Variants in TCF7L2 observed in about 807,000 individuals in gnomAD.
TCF7L2 encodes transcription factor 7-like 2.
Under a neutral mutation model 77.9 loss-of-function variants are expected in TCF7L2, and 23 were observed. The ratio of observed to expected loss-of-function variants is 0.30; its 90% CI spans 0.21 to 0.42. TCF7L2 has a LOEUF of 0.42. TCF7L2 is among the 10% of genes least tolerant of loss of function. The pLI, the probability that TCF7L2 is intolerant of heterozygous loss-of-function variation, is 1.00. For synonymous variants in TCF7L2, 413 were observed against 340.2 expected (o/e 1.21, Z -2.36); for missense variants, 654 against 793.1 (o/e 0.82, Z 2.11).
intron 13 of TCF7L2, among the ~76,000 whole-genome samples, chr10:113,163,519 C>T (rs1309947933): frequency 1.3e-5 from 2 of 152,076 alleles, no homozygotes; most frequent in Non-Finnish European, 2.9e-5. Flanking sequence ...CTTTCCTTCT[C>T]CCATTTTTAA....
chr10:113,123,428 G>A (rs1170170395), intron 5 of TCF7L2, among the ~76,000 whole-genome samples: 1 of 152,172 alleles, frequency 6.6e-6, no homozygotes, highest in Admixed American at 6.5e-5. Context: ...ATCTTTAGTC[G>A]GATACACATA....
intron 4 of TCF7L2, among the ~76,000 whole-genome samples, chr10:112,980,099 G>C (rs1041928209): frequency 2.3e-4 from 35 of 152,194 alleles, no homozygotes; most frequent in Admixed American, 2.3e-3. Flanking sequence ...ACTCTGTCTG[G>C]TTTGGCTCAA....
chr10:113,126,642 T>C (rs2065659897), intron 5 of TCF7L2: 2 of 985,212 alleles, frequency 2.0e-6, no homozygotes, highest in Non-Finnish European at 2.4e-6. Context: ...TATTGTGCTC[T>C]TCCCTATCAA....
chr10:113,068,206 G>A (rs1340238251), intron 5 of TCF7L2, among the ~76,000 whole-genome samples: 4 of 152,230 alleles, frequency 2.6e-5, no homozygotes, highest in African/African-American at 4.8e-5. Context: ...GGCTAATGAA[G>A]TATATACCAC....
chr10:113,084,108 T>C (rs920436388), intron 5 of TCF7L2, among the ~76,000 whole-genome samples: 1 of 152,226 alleles, frequency 6.6e-6, no homozygotes, highest in Non-Finnish European at 1.5e-5. Flanking sequence ...TCTGAATCCA[T>C]ATGCATTTGT....
chr10:113,093,976 A>G (rs981130475), intron 5 of TCF7L2, among the ~76,000 whole-genome samples: 8 of 152,106 alleles, frequency 5.3e-5, no homozygotes, highest in Admixed American at 5.2e-4. Flanking sequence ...ACTTTTCCTG[A>G]TCAGTGGCCG....
intron 13 of TCF7L2, among the ~76,000 whole-genome samples, chr10:113,164,757 T>TC (rs1340745402): frequency 6.6e-6 from 1 of 152,122 alleles, no homozygotes; most frequent in African/African-American, 2.4e-5. Context: ...GTGGTTTCTT[T>TC]TTTTTGTTTC....
chr10:112,983,787 T>C (rs1480210761), intron 4 of TCF7L2, among the ~76,000 whole-genome samples: 1 of 152,222 alleles, frequency 6.6e-6, no homozygotes, highest in African/African-American at 2.4e-5. Flanking sequence ...GCACTGGTGT[T>C]TCACTGCAGG....
At chr10:113,078,875 C>G (rs1343074023) in intron 5 of TCF7L2, among the ~76,000 whole-genome samples, 1 of 151,918 alleles carries the variant, frequency 6.6e-6, no homozygotes, top group Non-Finnish European at 1.5e-5. Context: ...CTCTGTCACC[C>G]AGGCTGGAGT....
chr10:113,155,395 A>G (rs1036082939), intron 11 of TCF7L2, among the ~76,000 whole-genome samples: 4 of 152,252 alleles, frequency 2.6e-5, no homozygotes, highest in Middle Eastern at 3.4e-3. Flanking sequence ...TGTTACATTT[A>G]AAGGGGTAGT....
chr10:113,059,731 C>T (rs910734900), intron 5 of TCF7L2, among the ~76,000 whole-genome samples: 1 of 152,086 alleles, frequency 6.6e-6, no homozygotes, highest in African/African-American at 2.4e-5. Flanking sequence ...GGAATATTAA[C>T]TGTTTACTGC....
At chr10:112,974,358 G>A (rs538569593) in intron 4 of TCF7L2, among the ~76,000 whole-genome samples, 8 of 152,294 alleles carry the variant, frequency 5.3e-5, no homozygotes, top group East Asian at 1.9e-4. Context: ...AACAACTGTC[G>A]TATCAGCCAT....
chr10:113,062,453 A>G (rs1257184443), intron 5 of TCF7L2, among the ~76,000 whole-genome samples: 1 of 152,178 alleles, frequency 6.6e-6, no homozygotes, highest in African/African-American at 2.4e-5. Context: ...CACAGTAGGA[A>G]CAGAAGTTAA....
chr10:113,150,778 T>C (rs1282334211), intron 8 of TCF7L2, among the ~76,000 whole-genome samples: 1 of 152,232 alleles, frequency 6.6e-6, no homozygotes, highest in Non-Finnish European at 1.5e-5. Flanking sequence ...AAAATCATAA[T>C]GTCTTATGTC....
intron 5 of TCF7L2, among the ~76,000 whole-genome samples, chr10:113,127,243 G>GTT (rs11313601): frequency 1.4e-5 from 2 of 139,978 alleles, no homozygotes; most frequent in Non-Finnish European, 1.5e-5. Context: ...GGGGTTTCGG[G>GTT]TTTTTTTTTT....
intron 4 of TCF7L2, among the ~76,000 whole-genome samples, chr10:112,975,378 G>T (rs2039202845): frequency 6.6e-6 from 1 of 152,208 alleles, no homozygotes; most frequent in African/African-American, 2.4e-5. Context: ...ATGACTTAAT[G>T]CAGGACTTCT....
intron 4 of TCF7L2, among the ~76,000 whole-genome samples, chr10:113,016,816 C>G (rs964387953): frequency 6.6e-6 from 1 of 152,068 alleles, no homozygotes; most frequent in African/African-American, 2.4e-5. Context: ...TAATCAGAAG[C>G]CACTGTCCCC....
At chr10:113,032,436 T>C (rs1159923068) in intron 4 of TCF7L2, among the ~76,000 whole-genome samples, 2 of 152,242 alleles carry the variant, frequency 1.3e-5, no homozygotes, top group African/African-American at 4.8e-5. Flanking sequence ...TCCTTAAATC[T>C]GGTGGAAAAA....
intron 4 of TCF7L2, among the ~76,000 whole-genome samples, chr10:112,973,167 C>T (rs998243550): frequency 1.3e-5 from 2 of 152,174 alleles, no homozygotes; most frequent in African/African-American, 2.4e-5. Flanking sequence ...GGAGGGCACC[C>T]GGAGAGCAGA....
Sources: gnomAD v4.1 joint callset for allele counts (sites outside exome capture counted in the v4.1 genomes callset) on GRCh38, gnomAD v4.1.1 for gene constraint, MANE v1.5 for transcripts, NCBI Gene and HGNC (gene_info 2026-07-23, HGNC 2026-07-21) for gene names.